Variants in GLRB observed in about 807,000 individuals in gnomAD.
GLRB encodes the protein glycine receptor subunit beta.
A neutral mutation model predicts 54.2 loss-of-function variants in GLRB; 33 were observed. The observed-to-expected ratio is 0.61, with a 90% CI of 0.46 to 0.81. GLRB has a LOEUF of 0.81. GLRB is among the 40% of genes least tolerant of loss of function. GLRB has a pLI of 0.00. For synonymous variants in GLRB, 209 were observed against 208.2 expected (o/e 1.00, Z -0.03); for missense variants, 572 against 584.6 (o/e 0.98, Z 0.22).
intron 9 of GLRB, among the ~76,000 whole-genome samples, chr4:157,155,189 G>T (rs1737180609): frequency 6.6e-6 from 1 of 152,090 alleles, no homozygotes; most frequent in Admixed American, 6.6e-5. Context: ...GGGTGCAGTG[G>T]TGTGATCTCA....
intron 2 of GLRB, among the ~76,000 whole-genome samples, chr4:157,106,464 A>G (rs1325849625): frequency 6.6e-6 from 1 of 152,136 alleles, no homozygotes; most frequent in Non-Finnish European, 1.5e-5. Flanking sequence ...TTCAGAGTAG[A>G]TGGGCATGCA....
chr4:157,115,673 G>A (rs1340176582), intron 2 of GLRB, among the ~76,000 whole-genome samples: 4 of 151,692 alleles, frequency 2.6e-5, no homozygotes, highest in East Asian at 3.9e-4. Context: ...CACAAATTTT[G>A]TATACCCTTT....
chr4:157,095,125 C>T (rs1314794521), intron 2 of GLRB, among the ~76,000 whole-genome samples: 1 of 151,998 alleles, frequency 6.6e-6, no homozygotes. Flanking sequence ...TTCAGGGAAA[C>T]AGGTGTCAAA....
intron 2 of GLRB, among the ~76,000 whole-genome samples, chr4:157,080,791 AC>A (rs1164606063): frequency 6.6e-6 from 1 of 151,540 alleles, no homozygotes; most frequent in Non-Finnish European, 1.5e-5. Context: ...ATTTGTTTAT[AC>A]TTTTTTTTTT....
chr4:157,157,635 C>T (rs752200560), intron 9 of GLRB, among the ~76,000 whole-genome samples: 6 of 152,124 alleles, frequency 3.9e-5, no homozygotes, highest in Non-Finnish European at 8.8e-5. Flanking sequence ...ATGATTGTTT[C>T]CAGCTTCATC....
chr4:157,077,546 A>G (rs2126406966), intron 1 of GLRB, among the ~76,000 whole-genome samples: 1 of 152,242 alleles, frequency 6.6e-6, no homozygotes, highest in South Asian at 2.1e-4. Context: ...ATACATAAGA[A>G]CTTCAAACAA....
intron 9 of GLRB, among the ~76,000 whole-genome samples, chr4:157,164,971 A>G (rs930650081): frequency 1.3e-5 from 2 of 152,180 alleles, no homozygotes; most frequent in Non-Finnish European, 2.9e-5. Context: ...GCTCATAGAA[A>G]CACACTTGTT....
In GLRB at chr4:157,109,553, A is replaced by G. The variant is rs79908096; in HGVS notation, c.123-11003A>G. Among the ~76,000 whole-genome samples, 1,168 of 151,996 alleles carry G rather than the reference A, an allele frequency of 7.7e-3. 16 individuals are homozygous for G. The highest frequency in any genetic ancestry group is 0.027 in the African/African-American group (1,123 of 41,480). ...CCAGTCAGTTCTCTAGGGGATACCAATTGTTTGTCCTATAATTTATTTTTA... is the reference window on the plus strand; with the variant it reads ...CCAGTCAGTTCTCTAGGGGATACCAGTTGTTTGTCCTATAATTTATTTTTA... On this transcript the variant is annotated intron_variant, in intron 2 of 9. Coordinates refer to ENST00000264428, the MANE Select transcript of GLRB (RefSeq NM_000824.5).
At chr4:157,099,593 C>T (rs904959042) in intron 2 of GLRB, among the ~76,000 whole-genome samples, 18 of 152,096 alleles carry the variant, frequency 1.2e-4, no homozygotes, top group Non-Finnish European at 1.5e-5. Context: ...GCCTTGGCCT[C>T]CCGAAGTGCT....
chr4:157,137,681 G>C (rs1460634320), intron 6 of GLRB, among the ~76,000 whole-genome samples: 1 of 152,088 alleles, frequency 6.6e-6, no homozygotes, highest in East Asian at 1.9e-4. Context: ...AATTTGAGCA[G>C]TATTTATTTC....
chr4:157,151,729 G>A (rs60960518), intron 8 of GLRB, among the ~76,000 whole-genome samples: 1 of 152,162 alleles, frequency 6.6e-6, no homozygotes, highest in African/African-American at 2.4e-5. Context: ...GGAAAAGAGA[G>A]CCAAGTAGAC....
intron 2 of GLRB, among the ~76,000 whole-genome samples, chr4:157,098,951 G>A (rs1734917067): frequency 6.6e-6 from 1 of 152,102 alleles, no homozygotes; most frequent in African/African-American, 2.4e-5. Context: ...TCCGGTGACT[G>A]CTTAACCTCA....
intron 2 of GLRB, among the ~76,000 whole-genome samples, chr4:157,090,212 A>G (rs541866265): frequency 2.4e-4 from 37 of 152,358 alleles, no homozygotes; most frequent in Middle Eastern, 3.4e-3. Flanking sequence ...GGCTTATACT[A>G]TTGAAATTAC....
rs11552656 is a variant in GLRB at position 157,078,078 on chromosome 4, A to G, written c.54A>G (p.Glu18=). The part of the protein sequence containing the change: ...AFLILISLWV[E]EAYSKEKSSK... ...TAATTTTAATTTCCTTGTGGGTGGA[A>G]GAAGCCTATTCTAAGGAAAAGTCTT... The change falls in exon 2 of 10, where the codon GAA becomes GAG. Residue 18 remains glutamate, a synonymous_variant. Transcript: ENST00000264428. The G allele has an allele frequency of 6.2e-7, 1 of 1,610,748 alleles. No individual in the cohort carries two copies. Among genetic ancestry groups the G allele is most frequent in the East Asian group, 2.2e-5 (1 of 44,718 alleles).
At chr4:157,117,942 A>G (rs962475845) in intron 2 of GLRB, among the ~76,000 whole-genome samples, 1 of 151,712 alleles carries the variant, frequency 6.6e-6, no homozygotes, top group African/African-American at 2.4e-5. Flanking sequence ...GTAAGGTTGC[A>G]TGGTTGATGC....
intron 4 of GLRB, among the ~76,000 whole-genome samples, chr4:157,124,860 C>A (rs952107734): frequency 6.6e-6 from 1 of 151,724 alleles, no homozygotes; most frequent in African/African-American, 2.4e-5. Flanking sequence ...GTAAATATTC[C>A]ATTTTATCAT....
At chr4:157,140,442 A>T (rs1170173529) in intron 7 of GLRB, among the ~76,000 whole-genome samples, 1 of 151,924 alleles carries the variant, frequency 6.6e-6, no homozygotes, top group East Asian at 1.9e-4. Context: ...TCCCATTTGT[A>T]CTTCAAATTA....
intron 4 of GLRB, among the ~76,000 whole-genome samples, chr4:157,122,747 T>C (rs1347907169): frequency 1.3e-5 from 2 of 151,832 alleles, no homozygotes; most frequent in African/African-American, 2.4e-5. Context: ...ACATTCAAAA[T>C]GTTTTAAGTA....
chr4:157,110,546 T>C (rs963496485), intron 2 of GLRB, among the ~76,000 whole-genome samples: 4 of 152,098 alleles, frequency 2.6e-5, no homozygotes, highest in African/African-American at 7.2e-5. Flanking sequence ...CTCCTGAGCA[T>C]GTTGAACATT....
Sources: gnomAD v4.1 joint callset for allele counts (sites outside exome capture counted in the v4.1 genomes callset) on GRCh38, gnomAD v4.1.1 for gene constraint, MANE v1.5 for transcripts, NCBI Gene and HGNC (gene_info 2026-07-23, HGNC 2026-07-21) for gene names.